The following ANKS1B variants were observed in gnomAD, a reference collection of about 807,000 sequenced individuals.
The protein encoded by ANKS1B is ankyrin repeat and sterile alpha motif domain containing 1B.
In ANKS1B, 36 loss-of-function variants were observed where a neutral mutation model predicts 148.3. The ratio of observed to expected loss-of-function variants is 0.24; its 90% CI spans 0.19 to 0.32. The LOEUF is 0.32. Ranked by LOEUF, ANKS1B falls within the 10% of genes least tolerant of loss-of-function variation. The pLI is 1.00. For missense variants in ANKS1B, 1,157 were observed against 1,542.6 expected (o/e 0.75, Z 4.19); for synonymous variants, 542 against 560.8 (o/e 0.97, Z 0.47).
At chr12:98,977,059 T>C (rs1203008897) in intron 17 of ANKS1B, among the ~76,000 whole-genome samples, 1 of 152,226 alleles carries the variant, frequency 6.6e-6, no homozygotes, top group Non-Finnish European at 1.5e-5. Context: ...TGTATGAGCA[T>C]CTTTAGCTGG....
At chr12:99,682,317 C>A (rs2098625112) in intron 8 of ANKS1B, among the ~76,000 whole-genome samples, 1 of 152,130 alleles carries the variant, frequency 6.6e-6, no homozygotes, top group Non-Finnish European at 1.5e-5. Context: ...TACATTCTAT[C>A]CATCATCACA....
Position 98,829,294 on chromosome 12 carries a change from G to A in ANKS1B, c.2946C>T (p.Tyr982=). The A allele has an allele frequency of 3.7e-6, 6 of 1,614,014 alleles. No individual in the cohort carries two copies. Among genetic ancestry groups the A allele is most frequent in the Non-Finnish European group, 5.1e-6 (6 of 1,179,884 alleles). The change falls in exon 19 of 27, where the codon TAC becomes TAT. Residue 982 remains tyrosine (Y), a synonymous_variant. Transcript: ENST00000683438. The surrounding 1 kb of genome is among the most constrained non-coding windows in gnomAD (Gnocchi z 5.2). ...QLSPSLSQST[Y]TTGGSLDVPH... ...GAACGTCTAGGGAGCCACCAGTGGT[G>A]TAAGTGCTTTGGCTAAGTGATGGAG...
chr12:98,761,202 A>C (rs1017622584), intron 25 of ANKS1B, among the ~76,000 whole-genome samples: 20 of 152,164 alleles, frequency 1.3e-4, no homozygotes, highest in Non-Finnish European at 4.4e-5. Context: ...CATTGCTCTC[A>C]TGAATGTGCT....
In ANKS1B at chr12:99,352,576, A is replaced by G. The variant is rs73372029; in HGVS notation, c.1756+47055T>C. ...AAACTGTGCCTTAACATGCTTCCTT[A>G]TTTGCATATCTCTTGTAATCCGTGT... is the stretch of plus-strand genomic sequence containing the variant. On this transcript the variant is annotated intron_variant, in intron 12 of 26. Transcript: ENST00000683438. Among the ~76,000 whole-genome samples the G allele has an allele frequency of 7.6e-3, 1,155 of 152,132 alleles. 5 individuals are homozygous for G. Among genetic ancestry groups the G allele is most frequent in the African/African-American group, 0.027 (1,106 of 41,530 alleles).
rs148663206 is a variant in ANKS1B at position 99,794,460 on chromosome 12, T to TACACACACACACACACACACACAC, written c.669+11920_669+11943dup. ...AGATGAAAGGATAAAGAAAATGTGG[T>TACACACACACACACACACACACAC]ACACACACACACACACACACACACA... On this transcript the variant is annotated intron_variant, in intron 4 of 26. Coordinates refer to ENST00000683438, the MANE Select transcript of ANKS1B (RefSeq NM_001352186.2). Among the ~76,000 whole-genome samples, 372 of 143,636 alleles carry TACACACACACACACACACACACAC rather than the reference T, an allele frequency of 2.6e-3. 5 individuals carry two copies. The highest frequency in any genetic ancestry group is 0.011 in the Admixed American group (156 of 14,212). The allele number at this position is 143,636 out of a possible 152,430, so 94.2% of individuals were successfully genotyped here. A position where few individuals can be genotyped will look rare whatever the true frequency, so the allele number is the denominator to read the frequency against.
chr12:99,442,700 T>A (rs564635912), intron 11 of ANKS1B, among the ~76,000 whole-genome samples: 219 of 152,048 alleles, frequency 1.4e-3, no homozygotes, highest in Non-Finnish European at 2.5e-3. Flanking sequence ...TCAATGAGGA[T>A]GAAGATTATA....
intron 12 of ANKS1B, among the ~76,000 whole-genome samples, chr12:99,255,729 CTTA>C (rs1369414177): frequency 6.6e-6 from 1 of 151,982 alleles, no homozygotes; most frequent in Non-Finnish European, 1.5e-5. Context: ...TTTCTCATGA[CTTA>C]TTTAGAAACG....
chr12:99,760,359 A>C (rs1361247707), intron 8 of ANKS1B, among the ~76,000 whole-genome samples: 1 of 151,972 alleles, frequency 6.6e-6, no homozygotes, highest in Non-Finnish European at 1.5e-5. Flanking sequence ...CAGTGGAATA[A>C]AAATAGAAAT....
intron 17 of ANKS1B, among the ~76,000 whole-genome samples, chr12:98,913,612 C>T (rs889716966): frequency 1.3e-5 from 2 of 152,086 alleles, no homozygotes; most frequent in Non-Finnish European, 2.9e-5. Context: ...TAAAAACAAA[C>T]TGCCAATTTC....
chr12:98,986,882 G>A (rs1568202109), intron 17 of ANKS1B, among the ~76,000 whole-genome samples: 1 of 152,054 alleles, frequency 6.6e-6, no homozygotes, highest in Non-Finnish European at 1.5e-5. Context: ...GCCTCCGAAA[G>A]TGCTTAGATT....
intron 1 of ANKS1B, among the ~76,000 whole-genome samples, chr12:99,967,322 A>T (rs2153835553): frequency 6.6e-6 from 1 of 152,282 alleles, no homozygotes; most frequent in Admixed American, 6.5e-5. Flanking sequence ...AAATAAGGAA[A>T]CTGAAGCCCA....
At chr12:98,898,945 CT>C (rs2099768534) in intron 17 of ANKS1B, among the ~76,000 whole-genome samples, 1 of 152,114 alleles carries the variant, frequency 6.6e-6, no homozygotes, top group South Asian at 2.1e-4. Flanking sequence ...TCAGAAAGGA[CT>C]AATATTAAAA....
intron 1 of ANKS1B, among the ~76,000 whole-genome samples, chr12:99,959,357 G>A (rs906521974): frequency 2.6e-5 from 4 of 151,152 alleles, no homozygotes; most frequent in East Asian, 3.9e-4. Context: ...GATTACAGGC[G>A]TGAGCCACCA....
chr12:99,343,435 C>G (rs1162244812), intron 12 of ANKS1B, among the ~76,000 whole-genome samples: 5 of 151,934 alleles, frequency 3.3e-5, no homozygotes, highest in Non-Finnish European at 5.9e-5. Context: ...ATCTCATTGC[C>G]TTCTCTCCCA....
intron 14 of ANKS1B, among the ~76,000 whole-genome samples, chr12:99,157,730 G>C: frequency 6.6e-6 from 1 of 151,930 alleles, no homozygotes; most frequent in East Asian, 1.9e-4. Context: ...TGGGTGGTGG[G>C]TACACTAAAA....
intron 1 of ANKS1B, among the ~76,000 whole-genome samples, chr12:99,885,726 T>C (rs73374392): frequency 0.049 from 7,430 of 152,200 alleles, 576 homozygotes; most frequent in African/African-American, 0.17. Flanking sequence ...GTATCCAGTA[T>C]GTAGTTTTTT....
intron 14 of ANKS1B, among the ~76,000 whole-genome samples, chr12:99,222,484 C>T (rs1262209175): frequency 6.6e-6 from 1 of 152,120 alleles, no homozygotes; most frequent in Non-Finnish European, 1.5e-5. Context: ...GGTGTGGTGG[C>T]CCATGCCTGT....
intron 12 of ANKS1B, among the ~76,000 whole-genome samples, chr12:99,370,996 G>GT (rs1474897077): frequency 6.6e-6 from 1 of 151,842 alleles, no homozygotes; most frequent in Non-Finnish European, 1.5e-5. Flanking sequence ...GAGTTTCTGG[G>GT]TTTTTTGTTT....
intron 6 of ANKS1B, among the ~76,000 whole-genome samples, 167 bp downstream of exon 6, chr12:99,779,704 A>G (rs2064053917): frequency 6.6e-6 from 1 of 152,296 alleles, no homozygotes; most frequent in Middle Eastern, 3.4e-3. Flanking sequence ...AACAAAAATA[A>G]AACATTAAAA....
Sources: allele counts gnomAD v4.1 joint callset (sites outside exome capture counted in the v4.1 genomes callset), GRCh38; gene constraint gnomAD v4.1.1; non-coding constraint Gnocchi (gnomAD v3.1); transcripts MANE v1.5; gene names NCBI Gene and HGNC (gene_info 2026-07-23, HGNC 2026-07-21).